CFAP74: variants seen among roughly 807,000 people sequenced by gnomAD.
CFAP74 encodes the protein cilia and flagella associated protein 74, also known as cilia- and flagella-associated protein 74.
CFAP74 carries 124 observed loss-of-function variants against 188.9 expected under a neutral mutation model. That is an observed-to-expected ratio of 0.66 (90% CI 0.57 to 0.76). The LOEUF is 0.76. Among genes scored for constraint, CFAP74 ranks in the 30% least tolerant of loss-of-function variants. The pLI is 0.00. For synonymous variants in CFAP74, 956 were observed against 916.7 expected, an observed-to-expected ratio of 1.04 and a Z score of -0.77; for missense variants, 2,198 against 2,165.2, an observed-to-expected ratio of 1.02 and a Z score of -0.30.
At chr1:1,953,441 G>A (rs57642219) in intron 18 of CFAP74, 22,898 of 151,836 alleles carry the variant, frequency 0.15, 3,373 homozygotes, top group African/African-American at 0.38. Flanking sequence ...GATTACAGGC[G>A]CCCGCCACCA....
chr1:2,000,378 T>A (rs1207323244), intron 1 of CFAP74, among the ~76,000 whole-genome samples: 2 of 152,076 alleles, frequency 1.3e-5, no homozygotes, highest in Non-Finnish European at 2.9e-5. Flanking sequence ...GGACATGGGT[T>A]TTTTGGGGAA....
At chr1:1,964,855 C>T (rs1323971596) in intron 13 of CFAP74, 33 bp downstream of exon 13, 1 of 1,612,210 alleles carries the variant, frequency 6.2e-7, no homozygotes, top group Non-Finnish European at 8.5e-7. Context: ...TGTGCTGCTG[C>T]CCGTCCCGTT....
At chr1:1,964,812 G>C in intron 13 of CFAP74, 76 bp downstream of exon 13, 1 of 1,534,052 alleles carries the variant, frequency 6.5e-7, no homozygotes, top group East Asian at 2.3e-5. Context: ...AAGGTGTCAG[G>C]GGTTGGGCTG....
At chr1:1,997,209 G>A (rs987536586) in intron 1 of CFAP74, among the ~76,000 whole-genome samples, 2 of 151,580 alleles carry the variant, frequency 1.3e-5, no homozygotes, top group African/African-American at 4.8e-5. Context: ...GATCACCTGA[G>A]GTCAGGAGTT....
At chr1:1,998,446 G>C (rs1000223511) in intron 1 of CFAP74, among the ~76,000 whole-genome samples, 1 of 152,148 alleles carries the variant, frequency 6.6e-6, no homozygotes, top group Non-Finnish European at 1.5e-5. Flanking sequence ...CACGTAGGGA[G>C]GGGTAATGGG....
intron 1 of CFAP74, among the ~76,000 whole-genome samples, chr1:1,996,735 A>G (rs1657932777): frequency 6.6e-6 from 1 of 151,930 alleles, no homozygotes; most frequent in South Asian, 2.1e-4. Flanking sequence ...AGCCTGACCA[A>G]CATGGTGAAA....
intron 10 of CFAP74, among the ~76,000 whole-genome samples, chr1:1,969,130 G>A (rs182729854): frequency 0.014 from 2,183 of 151,896 alleles, 51 homozygotes; most frequent in African/African-American, 0.046. Context: ...CCCCAGCCCT[G>A]CCCTGCCCAG....
chr1:1,924,482 C>CATGGAG lies in CFAP74; in HGVS notation c.4137_4142dup (p.Ser1380_Met1381insIleSer), dbSNP rs1453615066. 1 of 1,596,292 alleles carries CATGGAG rather than the reference C, an allele frequency of 6.3e-7. No individual in the cohort carries two copies. The highest frequency in any genetic ancestry group is 2.3e-5 in the East Asian group (1 of 43,812). On this transcript the variant is annotated inframe_insertion, in exon 34 of 39. Coordinates refer to ENST00000682832, the MANE Select transcript of CFAP74 (RefSeq NM_001304360.2). ...GGGTGCTGGAGAGGCTGTCCAGGTG[C>CATGGAG]ATGGAGAACTTGATGGGGAGCAGAG...
In CFAP74 at chr1:2,003,732, C is replaced by T. The variant is rs1658315367; in HGVS notation, c.-51G>A. On this transcript the variant is annotated 5_prime_UTR_variant, in exon 1 of 39. Transcript: ENST00000682832. ...CTGGCCTGGGTCCCAGGTTCTCGGG[C>T]TCCGGAGGCACAGACACCCCGGGCT... 6.6e-6 allele frequency: 1 copy of T among 152,458 alleles called. No homozygotes were observed. Among genetic ancestry groups the T allele is most frequent in the African/African-American group, 2.4e-5 (1 of 41,472 alleles). 9.4% of individuals were successfully genotyped at this position (152,458 alleles called of 1,614,324 possible). A position where few individuals can be genotyped will look rare whatever the true frequency, so the allele number is the denominator to read the frequency against.
intron 1 of CFAP74, among the ~76,000 whole-genome samples, chr1:1,995,139 G>T (rs1256589523): frequency 6.6e-6 from 1 of 152,202 alleles, no homozygotes; most frequent in Non-Finnish European, 1.5e-5. Flanking sequence ...GCTAGCCAGT[G>T]TGCTGGCATC....
intron 20 of CFAP74, 137 bp downstream of exon 20, chr1:1,946,180 G>A (rs1294721489): frequency 1.0e-5 from 11 of 1,074,820 alleles, no homozygotes; most frequent in Non-Finnish European, 1.4e-5. Flanking sequence ...TGTAAACTGT[G>A]GTGCCAACCA....
At chr1:1,995,524 G>A (rs1322506331) in intron 1 of CFAP74, among the ~76,000 whole-genome samples, 1 of 150,218 alleles carries the variant, frequency 6.7e-6, no homozygotes, top group Non-Finnish European at 1.5e-5. Context: ...GTTGAAGAAC[G>A]GACAAAATAA....
intron 25 of CFAP74, among the ~76,000 whole-genome samples, chr1:1,937,947 C>T (rs1653015487): frequency 6.7e-6 from 1 of 149,798 alleles, no homozygotes; most frequent in South Asian, 2.1e-4. Context: ...CACATAAACG[C>T]ACTCATACAC....
chr1:1,986,705 C>G (rs903051076), intron 5 of CFAP74, among the ~76,000 whole-genome samples: 1 of 152,246 alleles, frequency 6.6e-6, no homozygotes, highest in African/African-American at 2.4e-5. Flanking sequence ...AGAGGCCTTC[C>G]CCTGACTGCT....
At position 1,957,385 on chromosome 1, in the gene CFAP74, C is replaced by T. The variant is rs1032065762; in HGVS notation, c.1852-601G>A. On this transcript the variant is annotated intron_variant, in intron 16 of 38. Transcript: ENST00000682832. ...CTCCAGGGGCAGGACCAGGGGCCAC[C>T]GACGCAAATGGACGTGGTTCGCAGA... 2.6e-5 allele frequency among the ~76,000 whole-genome samples: 4 copies of T among 152,210 alleles called. No homozygotes were observed. The East Asian group carries it at 7.7e-4, about 29-fold the overall frequency.
intron 18 of CFAP74, among the ~76,000 whole-genome samples, chr1:1,952,550 G>A (rs1654267473): frequency 6.7e-6 from 1 of 148,754 alleles, no homozygotes; most frequent in Non-Finnish European, 1.5e-5. Context: ...AAAGAAAAAA[G>A]GAAGGAAGGA....
In CFAP74 at chr1:1,968,409, G is replaced by C. The variant is rs1220640786; in HGVS notation, c.1245+226C>G. Among the ~76,000 whole-genome samples, 2 of 152,030 alleles carry C rather than the reference G, an allele frequency of 1.3e-5. No individual in the cohort carries two copies. The highest frequency in any genetic ancestry group is 4.8e-5 in the African/African-American group (2 of 41,380). ...GAGACCAGGAGGACACTGGACCCTTGCTGGGGATGCTGCGGCCATGGGCCT... is the reference window on the plus strand; with the variant it reads ...GAGACCAGGAGGACACTGGACCCTTCCTGGGGATGCTGCGGCCATGGGCCT... On this transcript the variant is annotated intron_variant, in intron 11 of 38. Coordinates refer to ENST00000682832, the MANE Select transcript of CFAP74 (RefSeq NM_001304360.2). The surrounding 1 kb of genome is among the most constrained non-coding windows in gnomAD (Gnocchi z 4.3).
At chr1:1,940,058 G>T (rs1048196487) in intron 23 of CFAP74, among the ~76,000 whole-genome samples, 2 of 152,112 alleles carry the variant, frequency 1.3e-5, no homozygotes, top group African/African-American at 4.8e-5. Context: ...AGTGTGTGGG[G>T]CACCCCTCAT....
At chr1:1,957,953 C>T (rs1654778195) in intron 16 of CFAP74, among the ~76,000 whole-genome samples, 1 of 152,182 alleles carries the variant, frequency 6.6e-6, no homozygotes, top group Non-Finnish European at 1.5e-5. Flanking sequence ...CTGCATGAAC[C>T]CAAGCGGGGC....
Sources: gnomAD v4.1 joint callset for allele counts (sites outside exome capture counted in the v4.1 genomes callset) on GRCh38, gnomAD v4.1.1 for gene constraint, Gnocchi (gnomAD v3.1) non-coding constraint, MANE v1.5 for transcripts, NCBI Gene and HGNC (gene_info 2026-07-23, HGNC 2026-07-21) for gene names.